SLC36A1: variants seen among roughly 807,000 people sequenced by gnomAD.
SLC36A1 encodes the protein proton-coupled amino acid transporter 1.
SLC36A1 carries 30 observed loss-of-function variants against 47.5 expected under a neutral mutation model. The observed-to-expected ratio is 0.63, with a 90% CI of 0.47 to 0.86. The LOEUF (loss-of-function observed/expected upper bound fraction) is 0.86. Among genes scored for constraint, SLC36A1 ranks in the 40% least tolerant of loss-of-function variants. The pLI is 0.00. For missense variants in SLC36A1, 517 were observed against 606.0 expected (o/e 0.85, Z 1.54); for synonymous variants, 255 against 249.7 (o/e 1.02, Z -0.20).
At chr5:151,396,401 T>G in the SLC36A1 span, among the ~76,000 whole-genome samples, 3 of 152,096 alleles carry the variant, frequency 2.0e-5, no homozygotes, top group Non-Finnish European at 2.9e-5. Flanking sequence ...ATGCCCGGCC[T>G]TCTCTTATTA....
chr5:151,531,576 C>G, the SLC36A1 span: 3 of 1,611,706 alleles, frequency 1.9e-6, no homozygotes, highest in Non-Finnish European at 2.5e-6. The surrounding 1 kb of genome is among the most constrained non-coding windows in gnomAD (Gnocchi z 5.7). Flanking sequence ...CTTGGTGGAT[C>G]AGGCTCTCAC....
chr5:151,357,295 G>C, the SLC36A1 span, among the ~76,000 whole-genome samples: 1 of 152,226 alleles, frequency 6.6e-6, no homozygotes, highest in Admixed American at 6.5e-5. Context: ...GTGAGAGAAA[G>C]GTGGTTGGCT....
upstream of SLC36A1, among the ~76,000 whole-genome samples, chr5:151,432,915 G>A (rs1759451408): frequency 6.6e-6 from 1 of 151,996 alleles, no homozygotes; most frequent in African/African-American, 2.4e-5. Context: ...ATAGAATACA[G>A]CCTGGAAACA....
At chr5:151,415,848 G>A in the SLC36A1 span, among the ~76,000 whole-genome samples, 1 of 152,188 alleles carries the variant, frequency 6.6e-6, no homozygotes, top group African/African-American at 2.4e-5. Flanking sequence ...GCTCATGTCT[G>A]TAATCCCAGC....
At chr5:151,536,610 C>G in the SLC36A1 span, among the ~76,000 whole-genome samples, 1 of 152,232 alleles carries the variant, frequency 6.6e-6, no homozygotes, top group South Asian at 2.1e-4. Flanking sequence ...CTGGCTACTC[C>G]TGGCCTACCC....
At chr5:151,468,633 G>T (rs1193472238) in intron 7 of SLC36A1, among the ~76,000 whole-genome samples, 2 of 151,252 alleles carry the variant, frequency 1.3e-5, no homozygotes, top group Non-Finnish European at 2.9e-5. Flanking sequence ...TACCAGTAGC[G>T]ATCCCTCCAT....
chr5:151,398,656 C>G, the SLC36A1 span, among the ~76,000 whole-genome samples: 1 of 152,168 alleles, frequency 6.6e-6, no homozygotes, highest in Non-Finnish European at 1.5e-5. Flanking sequence ...GGAGCATCAG[C>G]TCCCAATAAT....
At chr5:151,518,375 A>ATTATTATTATTATTATTT in the SLC36A1 span, among the ~76,000 whole-genome samples, 1 of 142,226 alleles carries the variant, frequency 7.0e-6, no homozygotes, top group Non-Finnish European at 1.6e-5. Flanking sequence ...AATAATAATA[A>ATTATTATTATTATTATTT]TTTTTAAAAG....
chr5:151,473,867 G>A (rs1159314004), intron 8 of SLC36A1, 96 bp downstream of exon 8: 3 of 1,019,248 alleles, frequency 2.9e-6, no homozygotes, highest in Middle Eastern at 2.1e-4. Context: ...TTGTTAGAAA[G>A]TATCTTCTGA....
In SLC36A1 at chr5:151,479,446, A is replaced by G. The variant is rs1193791181; in HGVS notation, c.1116A>G (p.Leu372=). 2.5e-6 allele frequency: 4 copies of G among 1,614,072 alleles called. No homozygotes were observed. The highest frequency in any genetic ancestry group is 2.5e-6 in the Non-Finnish European group (3 of 1,180,038). The change falls in exon 10 of 11, where the codon TTA becomes TTG. Residue 372 remains leucine, a synonymous_variant. Coordinates refer to ENST00000243389, the MANE Select transcript of SLC36A1 (RefSeq NM_078483.4). ...FVSRAPEHCE[L]VVDLFVRTVL... ...CCCGAGCGCCCGAGCACTGTGAGTT[A>G]GTGGTGGACCTGTTTGTGCGCACAG...
chr5:151,465,398 G>A (rs988647004), intron 5 of SLC36A1, among the ~76,000 whole-genome samples: 29 of 152,214 alleles, frequency 1.9e-4, no homozygotes, highest in African/African-American at 6.8e-4. Flanking sequence ...GGCCTGGCCT[G>A]AATGGTCTCT....
the SLC36A1 span, among the ~76,000 whole-genome samples, chr5:151,362,259 TC>T: frequency 3.9e-5 from 6 of 152,052 alleles, no homozygotes; most frequent in Admixed American, 2.0e-4. Context: ...TTTCTTTTTT[TC>T]CCCCTCTGTG....
chr5:151,432,774 C>T (rs569761339), upstream of SLC36A1, among the ~76,000 whole-genome samples: 1 of 152,182 alleles, frequency 6.6e-6, no homozygotes, highest in Admixed American at 6.5e-5. Flanking sequence ...ATGGAGGTGG[C>T]CACATTTCAA....
chr5:151,527,211 G>A, the SLC36A1 span: 1 of 1,583,734 alleles, frequency 6.3e-7, no homozygotes, highest in Admixed American at 1.7e-5. Context: ...AGGGCTCAGG[G>A]TGCCTTGGAG....
chr5:151,412,788 C>A, the SLC36A1 span: 24 of 144,294 alleles, frequency 1.7e-4, 2 homozygotes, highest in Non-Finnish European at 2.6e-4. Context: ...TTAGCTGCGA[C>A]CTGCCTGTTC....
chr5:151,542,207 GA>G, the SLC36A1 span: 3 of 1,415,574 alleles, frequency 2.1e-6, no homozygotes, highest in Non-Finnish European at 2.9e-6. Context: ...TCCAGGACAT[GA>G]ACCCATTTTA....
At chr5:151,555,953 G>T in the SLC36A1 span, among the ~76,000 whole-genome samples, 32 of 152,200 alleles carry the variant, frequency 2.1e-4, no homozygotes, top group African/African-American at 7.0e-4. Flanking sequence ...AAAGAGCACA[G>T]ATCTAGAAGA....
At chr5:151,400,896 C>T in the SLC36A1 span, among the ~76,000 whole-genome samples, 1 of 151,906 alleles carries the variant, frequency 6.6e-6, no homozygotes, top group Non-Finnish European at 1.5e-5. Context: ...TTGAATTATT[C>T]AAGTTCCTTA....
Position 151,479,420 on chromosome 5 carries a change from T to C in SLC36A1, c.1090T>C (p.Ser364Pro). The stretch of plus-strand genomic sequence containing the variant: ...TGAGATCATCATCCCCTTCTTTGTG[T>C]CCCGAGCGCCCGAGCACTGTGAGTT... Reference protein sequence around the residue: ...PAEIIIPFFVSRAPEHCELVV... With the variant: ...PAEIIIPFFVPRAPEHCELVV... The change falls in exon 10 of 11, where the codon TCC becomes CCC. Residue 364 changes from serine to proline, a missense_variant. Transcript: ENST00000243389. The C allele has an allele frequency of 6.2e-7, 1 of 1,614,202 alleles. No individual in the cohort carries two copies. The highest frequency in any genetic ancestry group is 1.1e-5 in the South Asian group (1 of 91,084).
Sources: gnomAD v4.1 joint callset for allele counts (sites outside exome capture counted in the v4.1 genomes callset) on GRCh38, gnomAD v4.1.1 for gene constraint, Gnocchi (gnomAD v3.1) non-coding constraint, MANE v1.5 for transcripts, NCBI Gene and HGNC (gene_info 2026-07-23, HGNC 2026-07-21) for gene names.